GPR107: variants seen among roughly 807,000 people sequenced by gnomAD.
The protein encoded by GPR107 is G protein-coupled receptor 107.
In GPR107, 31 loss-of-function variants were observed where a neutral mutation model predicts 75.5. The observed-to-expected ratio is 0.41, with a 90% CI of 0.31 to 0.55. The LOEUF (loss-of-function observed/expected upper bound fraction) is 0.55, where lower values mean the gene tolerates loss of function less well. Ranked by LOEUF, GPR107 falls within the 20% of genes least tolerant of loss-of-function variation. The probability of loss-of-function intolerance (pLI) is 0.26; values close to 1 mark genes in which losing one functional copy is unlikely to be tolerated. For synonymous variants in GPR107, 267 were observed against 251.3 expected (o/e 1.06, Z -0.59); for missense variants, 572 against 665.7 (o/e 0.86, Z 1.55).
In GPR107 at chr9:130,077,310, G is replaced by C. The variant is rs777296919; in HGVS notation, c.318G>C (p.Val106=). 6.5e-7 allele frequency: 1 copy of C among 1,532,106 alleles called. No homozygotes were observed. The highest frequency in any genetic ancestry group is 1.1e-5 in the South Asian group (1 of 89,484). The allele number at this position is 1,532,106 out of a possible 1,614,324, so 94.9% of individuals were successfully genotyped here. A position where few individuals can be genotyped will look rare whatever the true frequency, so the allele number is the denominator to read the frequency against. The change falls in exon 4 of 18, where the codon GTG becomes GTC. Residue 106 remains valine (V), a synonymous_variant. Coordinates refer to ENST00000347136, the MANE Select transcript of GPR107 (RefSeq NM_020960.5). ...DGFSSYLDED[V]NYCILKKQSV... is the part of the protein sequence containing the mutation. ...TCTTCCTTTCTCAGGATGAAGATGT[G>C]AATTACTGTATTTTAAAGAAACAGT... is the stretch of plus-strand genomic sequence containing the variant.
rs141307311 is a variant in GPR107, at chr9:130,119,068, G to T, written c.1307-5847G>T. Among the ~76,000 whole-genome samples, 1,235 of 152,334 alleles carry T rather than the reference G, an allele frequency of 8.1e-3. 26 individuals carry two copies. Among genetic ancestry groups the T allele is most frequent in the African/African-American group, 0.028 (1,181 of 41,574 alleles). On this transcript the variant is annotated intron_variant, in intron 14 of 17. Transcript: ENST00000347136. ...CCCAACACCCAGCCCGCCACAGTCC[G>T]GTGAGCAGCAGGCTGTCGGTGTTCC... is the stretch of plus-strand genomic sequence containing the variant.
intron 7 of GPR107, among the ~76,000 whole-genome samples, chr9:130,090,301 A>G (rs1021149972): frequency 6.6e-6 from 1 of 152,222 alleles, no homozygotes; most frequent in Admixed American, 6.6e-5. Flanking sequence ...GTCTAAATGT[A>G]GAAAATGTAG....
At chr9:130,076,522 G>A (rs1830352828) in intron 3 of GPR107, 60 bp downstream of exon 3, 1 of 1,017,196 alleles carries the variant, frequency 9.8e-7, no homozygotes, top group South Asian at 1.3e-5. Flanking sequence ...CATTGAACGG[G>A]AACACCCTAC....
At chr9:130,087,540 C>T (rs1346405162) in intron 7 of GPR107, among the ~76,000 whole-genome samples, 1 of 151,948 alleles carries the variant, frequency 6.6e-6, no homozygotes, top group Admixed American at 6.6e-5. Flanking sequence ...GTGGTAGATG[C>T]TTACAGTCCC....
At chr9:130,056,924 CAAAAAAAAAAA>C (rs11442007) in intron 1 of GPR107, among the ~76,000 whole-genome samples, 23 of 42,896 alleles carry the variant, frequency 5.4e-4, no homozygotes, top group Admixed American at 2.4e-3. Context: ...GACTCCTTCT[CAAAAAAAAAAA>C]AAAAAAAAAA....
At chr9:130,110,116 C>T (rs1355987161) in intron 14 of GPR107, among the ~76,000 whole-genome samples, 1 of 152,120 alleles carries the variant, frequency 6.6e-6, no homozygotes, top group South Asian at 2.1e-4. Context: ...TCTACCTGTT[C>T]GGTCCTCCAT....
chr9:130,102,957 AT>A (rs10707248), intron 12 of GPR107, among the ~76,000 whole-genome samples: 144,072 of 149,582 alleles, frequency 0.96, 69,416 homozygotes, highest in East Asian at 1. Flanking sequence ...CTAATTTTTA[AT>A]TTTTTTTTTT....
chr9:130,135,310 G>C lies in GPR107; in HGVS notation c.*189G>C, dbSNP rs978594031. 3.1e-5 allele frequency: 13 copies of C among 416,444 alleles called. No individual in the cohort carries two copies. The highest frequency in any genetic ancestry group is 2.7e-4 in the African/African-American group (13 of 47,872). 25.8% of individuals were successfully genotyped at this position (416,444 alleles called of 1,614,324 possible). A position where few individuals can be genotyped will look rare whatever the true frequency, so the allele number is the denominator to read the frequency against. On this transcript the variant is annotated 3_prime_UTR_variant, in exon 18 of 18. Coordinates refer to ENST00000347136, the MANE Select transcript of GPR107 (RefSeq NM_020960.5). ...TCTTTTATGGAAACGATCTGTGGCT[G>C]TTTAGAGGCAGCTGGATCCTCTTTC... is the stretch of plus-strand genomic sequence containing the variant.
intron 6 of GPR107, among the ~76,000 whole-genome samples, chr9:130,085,158 G>A (rs530274159): frequency 2.0e-5 from 3 of 152,166 alleles, no homozygotes; most frequent in Non-Finnish European, 4.4e-5. Context: ...TGAAAGTGAC[G>A]TGAAGGGTAG....
chr9:130,073,222 C>T (rs1183978613), intron 1 of GPR107, among the ~76,000 whole-genome samples: 1 of 152,182 alleles, frequency 6.6e-6, no homozygotes, highest in Non-Finnish European at 1.5e-5. Flanking sequence ...TCATCCTCTC[C>T]CTCTGCAGTC....
intron 13 of GPR107, 94 bp downstream of exon 13, chr9:130,104,644 G>A (rs1312711326): frequency 1.9e-6 from 2 of 1,037,006 alleles, no homozygotes; most frequent in Non-Finnish European, 2.9e-6. Context: ...CAGTCACATG[G>A]GACGTGTGTT....
Position 130,127,486 on chromosome 9 carries a change from G to T in GPR107, c.1360G>T (p.Val454Leu). The T allele has an allele frequency of 1.9e-6, 3 of 1,541,928 alleles. No individual in the cohort carries two copies. The highest frequency in any genetic ancestry group is 2.7e-6 in the Non-Finnish European group (3 of 1,114,790). Residue 454 changes from valine (V) to leucine (L), a missense_variant, in exon 16 of 18, where the codon GTG (valine) becomes TTG (leucine). Val to Leu is a conservative substitution (Grantham distance 32). Transcript: ENST00000347136. ...KLFRHYYVLI[V>L]CYIYFTRIIA... Reference sequence around the variant, plus strand: ...TGTTTCTTTCCTCCTCATGCAGATTGTGTGTTACATATACTTCACTAGGAT... The same window carrying T: ...TGTTTCTTTCCTCCTCATGCAGATTTTGTGTTACATATACTTCACTAGGAT...
intron 10 of GPR107, 105 bp from the exon 11 acceptor site, chr9:130,100,524 A>G (rs1191633633): frequency 1.6e-5 from 14 of 865,176 alleles, no homozygotes; most frequent in Non-Finnish European, 2.7e-5. Flanking sequence ...AGCGTCACCA[A>G]ATGACAATGA....
chr9:130,135,244 A>T lies in GPR107; in HGVS notation c.*123A>T. 2 of 577,342 alleles carry T rather than the reference A, an allele frequency of 3.5e-6. No homozygotes were observed. The highest frequency in any genetic ancestry group is 6.1e-6 in the Non-Finnish European group (2 of 326,618). The allele number at this position is 577,342 out of a possible 1,614,324, so 35.8% of individuals were successfully genotyped here. ...ACCACCGACAGTGACACCAGGGCAC[A>T]TGGCTGGAGCACAGTGCCGCGGAAA... On this transcript the variant is annotated 3_prime_UTR_variant, in exon 18 of 18. Transcript: ENST00000347136.
chr9:130,092,633 T>G (rs1029595036), intron 9 of GPR107, among the ~76,000 whole-genome samples: 3 of 139,680 alleles, frequency 2.1e-5, no homozygotes, highest in African/African-American at 8.1e-5. Context: ...TTTTTTTTTT[T>G]GAGACATAGT....
Position 130,097,711 on chromosome 9 carries a change from T to G in GPR107, c.864-1746T>G, listed in dbSNP as rs1166833449. 5.1e-5 allele frequency among the ~76,000 whole-genome samples: 4 copies of G among 78,424 alleles called. No individual in the cohort carries two copies. In the East Asian group the frequency reaches 8.6e-4, roughly 17 times the overall value. 51.4% of individuals were successfully genotyped at this position (78,424 alleles called of 152,430 possible). The stretch of plus-strand genomic sequence containing the variant: ...TTGTGGCTGCCTGTATTCTTTGGGT[T>G]TTTTTTTTTTTTTTTGAGACAGGGT... On this transcript the variant is annotated intron_variant, in intron 9 of 17. Coordinates refer to ENST00000347136, the MANE Select transcript of GPR107 (RefSeq NM_020960.5).
chr9:130,124,470 G>T (rs190071115), intron 14 of GPR107, among the ~76,000 whole-genome samples: 77 of 152,342 alleles, frequency 5.1e-4, no homozygotes, highest in Middle Eastern at 3.4e-3. Context: ...TACACCCTCA[G>T]CTAGTGGGAG....
Position 130,137,055 on chromosome 9 carries a change from CTG to C in GPR107, c.*1937_*1938del, listed in dbSNP as rs1831976434. The C allele has an allele frequency of 6.6e-6, 1 of 152,212 alleles. No homozygotes were observed. Among genetic ancestry groups the C allele is most frequent in the African/African-American group, 2.4e-5 (1 of 41,458 alleles). 9.4% of individuals were successfully genotyped at this position (152,212 alleles called of 1,614,324 possible). A position where few individuals can be genotyped will look rare whatever the true frequency, so the allele number is the denominator to read the frequency against. ...AGTTTTCGCAGAAATGTGTCTCAAT[CTG>C]TGACTACCAAAGCCCTCCTCAGTCC... On this transcript the variant is annotated 3_prime_UTR_variant, in exon 18 of 18. Coordinates refer to ENST00000347136, the MANE Select transcript of GPR107 (RefSeq NM_020960.5).
chr9:130,125,612 T>A lies in GPR107; in HGVS notation c.1356+648T>A, dbSNP rs1039280791. On this transcript the variant is annotated intron_variant, in intron 15 of 17. Coordinates refer to ENST00000347136, the MANE Select transcript of GPR107 (RefSeq NM_020960.5). ...ATCTGAGTTCCTTTTTTTTTTTTTT[T>A]TTTTTTTGAGACGGAGTCTCGCTCT... Among the ~76,000 whole-genome samples the A allele has an allele frequency of 2.7e-3, 396 of 149,282 alleles. 3 individuals are homozygous for A. The highest frequency in any genetic ancestry group is 9.3e-3 in the African/African-American group (380 of 40,878).
Sources: allele counts gnomAD v4.1 joint callset (sites outside exome capture counted in the v4.1 genomes callset), GRCh38; gene constraint gnomAD v4.1.1; transcripts MANE v1.5; gene names NCBI Gene and HGNC (gene_info 2026-07-23, HGNC 2026-07-21).